The following KANSL2 variants were observed in gnomAD, a reference collection of about 807,000 sequenced individuals.
KANSL2 encodes the protein KAT8 regulatory NSL complex subunit 2.
Under a neutral mutation model 55.6 loss-of-function variants are expected in KANSL2, and 34 were observed. That is an observed-to-expected ratio of 0.61 (90% CI 0.46 to 0.81). The LOEUF (loss-of-function observed/expected upper bound fraction) is 0.81, where lower values mean the gene tolerates loss of function less well. Among genes scored for constraint, KANSL2 ranks in the 40% least tolerant of loss-of-function variants. KANSL2 has a pLI of 0.00. For missense variants in KANSL2, 502 were observed against 609.9 expected, an observed-to-expected ratio of 0.82 and a Z score of 1.86; for synonymous variants, 209 against 214.3, an observed-to-expected ratio of 0.98 and a Z score of 0.22.
intron 8 of KANSL2, chr12:48,656,927 C>G: frequency 3.6e-6 from 1 of 274,588 alleles, no homozygotes; most frequent in South Asian, 3.3e-5. Flanking sequence ...TTTATAGATG[C>G]TCCGTGTTTC....
intron 4 of KANSL2, among the ~76,000 whole-genome samples, chr12:48,673,845 G>A (rs1164392674): frequency 6.6e-6 from 1 of 151,932 alleles, no homozygotes; most frequent in Non-Finnish European, 1.5e-5. Context: ...CAGATACTCA[G>A]GAGACTGAGG....
At chr12:48,679,566 G>A in intron 3 of KANSL2, 89 bp downstream of exon 3, 1 of 971,296 alleles carries the variant, frequency 1.0e-6, no homozygotes, top group East Asian at 2.6e-5. Flanking sequence ...TAACAATATT[G>A]CCAAATAGAT....
intron 4 of KANSL2, among the ~76,000 whole-genome samples, chr12:48,676,819 G>GT (rs1462889940): frequency 5.3e-5 from 8 of 152,066 alleles, no homozygotes; most frequent in African/African-American, 1.9e-4. Flanking sequence ...TTCTAGTTAG[G>GT]ATCAAGTCTC....
intron 7 of KANSL2, among the ~76,000 whole-genome samples, chr12:48,664,230 A>G (rs1376022498): frequency 4.0e-5 from 6 of 148,234 alleles, no homozygotes; most frequent in African/African-American, 1.5e-4. Flanking sequence ...AGCCTTTTCT[A>G]TCTTCTTTTA....
intron 8 of KANSL2, among the ~76,000 whole-genome samples, chr12:48,657,625 C>T (rs535308833): frequency 4.6e-5 from 7 of 151,668 alleles, no homozygotes; most frequent in South Asian, 2.1e-4. Flanking sequence ...TGTGTGCGTG[C>T]GTGTGTGTGA....
intron 3 of KANSL2, 31 bp from the exon 4 acceptor site, chr12:48,679,181 G>T (rs1305538438): frequency 4.2e-6 from 6 of 1,424,846 alleles, no homozygotes; most frequent in Non-Finnish European, 5.9e-6. Flanking sequence ...CAGCCATTAA[G>T]ACTTCCCACC....
intron 7 of KANSL2, 32 bp from the exon 8 acceptor site, chr12:48,660,651 C>G (rs187783552): frequency 1.7e-5 from 27 of 1,595,628 alleles, no homozygotes; most frequent in Non-Finnish European, 1.9e-5. Flanking sequence ...AAATAAAACA[C>G]AATCTATCGA....
intron 4 of KANSL2, among the ~76,000 whole-genome samples, chr12:48,672,433 A>ATATGTATATATATATATATATATTTTT (rs371918890): frequency 8.3e-6 from 1 of 120,384 alleles, no homozygotes; most frequent in Non-Finnish European, 1.6e-5. Context: ...ATATATATAT[A>ATATGTATATATATATATATATATTTTT]TTTTTTTTTT....
intron 5 of KANSL2, among the ~76,000 whole-genome samples, chr12:48,670,825 TGA>T (rs1366166731): frequency 6.6e-6 from 1 of 151,874 alleles, no homozygotes; most frequent in African/African-American, 2.4e-5. Context: ...AAAAATTAGC[TGA>T]GTGTGGTGGT....
At chr12:48,664,798 G>A (rs551505947) in intron 7 of KANSL2, among the ~76,000 whole-genome samples, 117 of 150,714 alleles carry the variant, frequency 7.8e-4, no homozygotes, top group African/African-American at 2.5e-3. Context: ...TGGCCAGGCT[G>A]GTCTTGAACT....
chr12:48,679,278 G>A (rs562388125), intron 3 of KANSL2, 128 bp from the exon 4 acceptor site: 145 of 725,990 alleles, frequency 2.0e-4, no homozygotes, highest in Non-Finnish European at 3.3e-4. Flanking sequence ...AAAACACTTA[G>A]TACAAAGGTA....
intron 4 of KANSL2, among the ~76,000 whole-genome samples, chr12:48,678,414 G>A (rs1254557394): frequency 1.3e-5 from 2 of 151,816 alleles, no homozygotes; most frequent in Non-Finnish European, 2.9e-5. Context: ...CTCTTTCTTA[G>A]GCATGAAACC....
At chr12:48,681,139 A>AAT in intron 2 of KANSL2, 4 of 316,384 alleles carry the variant, frequency 1.3e-5, no homozygotes, top group East Asian at 6.0e-5. Flanking sequence ...AAAAAAAAAA[A>AAT]AAGACTAATT....
At chr12:48,676,963 C>A (rs1414256958) in intron 4 of KANSL2, among the ~76,000 whole-genome samples, 1 of 151,996 alleles carries the variant, frequency 6.6e-6, no homozygotes, top group African/African-American at 2.4e-5. Context: ...GATAAAAATT[C>A]TTAATGAAAA....
intron 1 of KANSL2, chr12:48,681,953 C>A (rs1434091850): frequency 2.8e-6 from 2 of 702,790 alleles, no homozygotes; most frequent in Non-Finnish European, 5.2e-6. Context: ...CCCCGCACGC[C>A]GCCTTTGTCC....
intron 2 of KANSL2, chr12:48,681,091 G>A (rs116253426): frequency 0.012 from 2,560 of 216,398 alleles, 78 homozygotes; most frequent in African/African-American, 0.06. Context: ...GACCGGCCTG[G>A]TCAAAATAGC....
intron 6 of KANSL2, 84 bp from the exon 7 acceptor site, chr12:48,667,873 C>A: frequency 1.0e-6 from 1 of 984,784 alleles, no homozygotes; most frequent in Admixed American, 1.9e-5. Context: ...AAGAAAAGCA[C>A]ATCCTAAAGG....
chr12:48,654,812 C>T (rs746181136), intron 9 of KANSL2, 129 bp downstream of exon 9: 53 of 895,978 alleles, frequency 5.9e-5, no homozygotes, highest in Non-Finnish European at 8.0e-5. Flanking sequence ...AAGTGAGAGA[C>T]ATGTGGAGCA....
rs909670914 is a variant in KANSL2, at chr12:48,682,191, G to C, written c.-14C>G. On this transcript the variant is annotated 5_prime_UTR_variant, in exon 1 of 10. Coordinates refer to ENST00000420613, the MANE Select transcript of KANSL2 (RefSeq NM_017822.4). ...GAAAGAGCACCGCCATCTTACCTCA[G>C]GAGCTGCGCTGCGCCGCACTCTGCC... 7.3e-6 allele frequency: 5 copies of C among 684,980 alleles called. No individual in the cohort carries two copies. Among genetic ancestry groups the C allele is most frequent in the Non-Finnish European group, 1.1e-5 (4 of 375,624 alleles). The allele number at this position is 684,980 out of a possible 1,614,324, so 42.4% of individuals were successfully genotyped here.
Sources: allele counts gnomAD v4.1 joint callset (sites outside exome capture counted in the v4.1 genomes callset), GRCh38; gene constraint gnomAD v4.1.1; transcripts MANE v1.5; gene names NCBI Gene and HGNC (gene_info 2026-07-23, HGNC 2026-07-21).